SBF1: variants seen among roughly 807,000 people sequenced by gnomAD.
The protein encoded by SBF1 is SET binding factor 1, also known as myotubularin-related protein 5.
In SBF1, 65 loss-of-function variants were observed where a neutral mutation model predicts 215.8. That is an observed-to-expected ratio of 0.30 (90% CI 0.25 to 0.37). SBF1 has a LOEUF of 0.37. Ranked by LOEUF, SBF1 falls within the 10% of genes least tolerant of loss-of-function variation. The pLI, the probability that SBF1 is intolerant of heterozygous loss-of-function variation, is 1.00. For missense variants in SBF1, 2,634 were observed against 2,667.8 expected, an observed-to-expected ratio of 0.99 and a Z score of 0.28; for synonymous variants, 1,410 against 1,122.8, an observed-to-expected ratio of 1.26 and a Z score of -5.11.
Position 50,454,667 on chromosome 22 carries a change from G to A in SBF1, c.4888C>T (p.Pro1630Ser). The A allele has an allele frequency of 6.3e-7, 1 of 1,579,112 alleles. No individual in the cohort carries two copies. Among genetic ancestry groups the A allele is most frequent in the Non-Finnish European group, 8.6e-7 (1 of 1,163,222 alleles). ...FYTEETLAEG[P>S]PYDWELAQGP... The stretch of plus-strand genomic sequence containing the variant: ...TGGGCCAGTTCCCAGTCATAGGGAG[G>A]GCCCTCGGCCAGCGTCTCCTCAGTG... Residue 1630 changes from proline to serine, a missense_variant, in exon 36 of 41, where the codon CCT becomes TCT. Coordinates refer to ENST00000380817, the MANE Select transcript of SBF1 (RefSeq NM_002972.4).
At position 50,467,551 on chromosome 22, in the gene SBF1, TCGAGTCG is replaced by T; in HGVS notation, c.412_418del (p.Arg138ThrfsTer21). The T allele has an allele frequency of 6.2e-7, 1 of 1,614,112 alleles. No individual in the cohort carries two copies. Among genetic ancestry groups the T allele is most frequent in the Non-Finnish European group, 8.5e-7 (1 of 1,180,008 alleles). On this transcript the variant is annotated frameshift_variant, in exon 4 of 41. Transcript: ENST00000380817. LOFTEE classifies it high-confidence loss of function. ...CCTCACCCTGAACACCTCCGTGTGG[TCGAGTCG>T]CGACACCAGTACCAGCGTCTTCGGT... is the stretch of plus-strand genomic sequence containing the variant.
In SBF1 at chr22:50,455,259, G is replaced by A. The variant is rs900390283; in HGVS notation, c.4519C>T (p.Pro1507Ser). The A allele has an allele frequency of 1.9e-6, 3 of 1,613,166 alleles. No individual in the cohort carries two copies. The highest frequency in any genetic ancestry group is 1.7e-5 in the Admixed American group (1 of 59,974). Residue 1507 changes from proline (P) to serine (S), a missense_variant, in exon 33 of 41, where the codon CCC (proline) becomes TCC (serine). Transcript: ENST00000380817. ...TLAGQSSGFTPVFLQFLDCVH... is the reference protein window; with the variant it reads ...TLAGQSSGFTSVFLQFLDCVH... ...CAGTCCAGGAACTGCAGGAAGACGG[G>A]TGTGAAGCCGCTGCTCTGCCCGGCC...
At chr22:50,459,116 G>A (rs2067387446) in intron 28 of SBF1, 139 bp downstream of exon 28, 2 of 1,284,108 alleles carry the variant, frequency 1.6e-6, no homozygotes, top group Non-Finnish European at 1.1e-6. Flanking sequence ...GCACCCGGAG[G>A]GCATGCTCCT....
At chr22:50,452,621 G>T (rs572730201) in intron 36 of SBF1, among the ~76,000 whole-genome samples, 2 of 149,970 alleles carry the variant, frequency 1.3e-5, no homozygotes, top group African/African-American at 4.9e-5. Context: ...TACTTGGGAG[G>T]CTGAGACAGG....
At position 50,446,848 on chromosome 22, in the gene SBF1, T is replaced by C. The variant is rs767105633; in HGVS notation, c.*294A>G. 131 of 729,602 alleles carry C rather than the reference T, an allele frequency of 1.8e-4. 1 individual carries two copies. Among genetic ancestry groups the C allele is most frequent in the South Asian group, 1.4e-3 (100 of 72,372 alleles). The allele number at this position is 729,602 out of a possible 1,614,324, so 45.2% of individuals were successfully genotyped here. A position where few individuals can be genotyped will look rare whatever the true frequency, so the allele number is the denominator to read the frequency against. On this transcript the variant is annotated 3_prime_UTR_variant, in exon 41 of 41. Transcript: ENST00000380817. ...TTATATAGACTCTGGTTCTAGAAAC[T>C]CGCCTGCAGCCGCTGGCTGGACCAG...
intron 28 of SBF1, among the ~76,000 whole-genome samples, chr22:50,457,723 G>C (rs2067311442): frequency 2.0e-5 from 3 of 152,268 alleles, no homozygotes; most frequent in South Asian, 2.1e-4. Flanking sequence ...AAGGCACAGG[G>C]AGGACTGGCA....
rs961615162 is a variant in SBF1, at chr22:50,460,043, C to T, written c.3400G>A (p.Gly1134Ser). Residue 1134 changes from glycine to serine, a missense_variant, in exon 26 of 41, where the codon GGT becomes AGT. Transcript: ENST00000380817. ...RACCRDYQRL[G>S]LGTLSSSLSR... ...AGGCTGCTGCTCAGGGTGCCCAGACCGAGGCGCTGGTAGTCGCGACAGCAA... is the reference window on the plus strand; with the variant it reads ...AGGCTGCTGCTCAGGGTGCCCAGACTGAGGCGCTGGTAGTCGCGACAGCAA... 5 of 1,613,902 alleles carry T rather than the reference C, an allele frequency of 3.1e-6. No individual in the cohort carries two copies. The highest frequency in any genetic ancestry group is 1.7e-5 in the Admixed American group (1 of 60,010).
rs1026571113 is a variant in SBF1, at chr22:50,449,656, A to ACACACACACC, written c.5044-1007_5044-1006insGGTGTGTGTG. ...CACACACACACACACACACACACAC[A>ACACACACACC]CCCCAAAATGGGACAGAAAAACTGC... On this transcript the variant is annotated intron_variant, in intron 36 of 40. Transcript: ENST00000380817. Among the ~76,000 whole-genome samples, 14 of 148,452 alleles carry ACACACACACC rather than the reference A, an allele frequency of 9.4e-5. No individual in the cohort carries two copies. In the East Asian group the frequency reaches 2.0e-3, roughly 21 times the overall value.
rs1051900320 is a variant in SBF1, at chr22:50,446,007, T to C, written c.*1135A>G. The C allele has an allele frequency of 8.5e-5, 13 of 153,252 alleles. No individual in the cohort carries two copies. Among genetic ancestry groups the C allele is most frequent in the Admixed American group, 1.3e-4 (2 of 15,292 alleles). The allele number at this position is 153,252 out of a possible 1,614,324, so 9.5% of individuals were successfully genotyped here. A position where few individuals can be genotyped will look rare whatever the true frequency, so the allele number is the denominator to read the frequency against. ...CTGGCCAGGTCACCAGCTGCCACTC[T>C]CAGATGTTCTCTTGGCCTTTGCAGC... On this transcript the variant is annotated 3_prime_UTR_variant, in exon 41 of 41. Coordinates refer to ENST00000380817, the MANE Select transcript of SBF1 (RefSeq NM_002972.4).
chr22:50,465,893 C>G, intron 9 of SBF1, 53 bp from the exon 10 acceptor site: 1 of 1,609,510 alleles, frequency 6.2e-7, no homozygotes, highest in Non-Finnish European at 8.5e-7. Context: ...GCTCTAGGCT[C>G]CCCGTGCTGC....
At chr22:50,464,768 G>C in intron 13 of SBF1, 30 bp from the exon 14 acceptor site, 1 of 1,610,028 alleles carries the variant, frequency 6.2e-7, no homozygotes, top group South Asian at 1.1e-5. Context: ...GTGGGGCAGG[G>C]GCCCAGGGAT....
In SBF1 at chr22:50,448,226, C is replaced by T. The variant is rs1332870375; in HGVS notation, c.5363+7G>A. On this transcript the variant is annotated splice_region_variant and intron_variant, in intron 38 of 40. Transcript: ENST00000380817. The stretch of plus-strand genomic sequence containing the variant: ...TGTCCATGTGGCAGTGGGAGGTGCC[C>T]TCATACCTGTTCTCACTCTCTGCTG... 6 of 1,610,666 alleles carry T rather than the reference C, an allele frequency of 3.7e-6. No homozygotes were observed. The highest frequency in any genetic ancestry group is 5.1e-6 in the Non-Finnish European group (6 of 1,179,726).
intron 23 of SBF1, 36 bp downstream of exon 23, chr22:50,461,122 CG>C (rs1460227102): frequency 6.4e-7 from 1 of 1,561,818 alleles, no homozygotes; most frequent in Non-Finnish European, 8.7e-7. Flanking sequence ...AAGACCAGGG[CG>C]GGGGATGAGA....
Position 50,459,945 on chromosome 22 carries a change from C to A in SBF1, c.3491+7G>T. On this transcript the variant is annotated splice_region_variant and intron_variant, in intron 26 of 40. Coordinates refer to ENST00000380817, the MANE Select transcript of SBF1 (RefSeq NM_002972.4). ...CACCACCCGGGCCAGCCCTGGCCGGCCCTCACCTGCGGCAGATGGCATACA... is the reference window on the plus strand; with the variant it reads ...CACCACCCGGGCCAGCCCTGGCCGGACCTCACCTGCGGCAGATGGCATACA... The A allele has an allele frequency of 6.2e-7, 1 of 1,613,470 alleles. No homozygotes were observed. Among genetic ancestry groups the A allele is most frequent in the South Asian group, 1.1e-5 (1 of 91,076 alleles).
rs768974891 is a variant in SBF1 at position 50,467,333 on chromosome 22, C to G, written c.549+5G>C. The G allele has an allele frequency of 6.2e-7, 1 of 1,613,100 alleles. No individual in the cohort carries two copies. Among genetic ancestry groups the G allele is most frequent in the South Asian group, 1.1e-5 (1 of 91,038 alleles). On this transcript the variant is annotated splice_donor_5th_base_variant and intron_variant, in intron 5 of 40. Coordinates refer to ENST00000380817, the MANE Select transcript of SBF1 (RefSeq NM_002972.4). Reference sequence around the variant, plus strand: ...GTGCAGATACCAGCTGCCTCCAAAACTCACCTGCGAGCCCCCAGCCAGGGG... The same window carrying G: ...GTGCAGATACCAGCTGCCTCCAAAAGTCACCTGCGAGCCCCCAGCCAGGGG...
At chr22:50,455,457 AC>A (rs2067210767) in intron 32 of SBF1, 23 bp downstream of exon 32, 2 of 1,611,690 alleles carry the variant, frequency 1.2e-6, no homozygotes, top group African/African-American at 2.7e-5. Flanking sequence ...AGCCTGGCCC[AC>A]CCCAGCCCCA....
chr22:50,469,120 G>C (rs1169133189), intron 1 of SBF1, among the ~76,000 whole-genome samples: 1 of 152,180 alleles, frequency 6.6e-6, no homozygotes, highest in African/African-American at 2.4e-5. Context: ...TAGACGGGAA[G>C]GATGGAGACT....
rs753384436 is a variant in SBF1, at chr22:50,455,057, C to T, written c.4640G>A (p.Arg1547Gln). 16 of 1,614,142 alleles carry T rather than the reference C, an allele frequency of 9.9e-6. No individual in the cohort carries two copies. Among genetic ancestry groups the T allele is most frequent in the Middle Eastern group, 3.3e-4 (2 of 6,060 alleles). Reference protein sequence around the residue: ...LGYHHVSRRFRTFLLDSDYER... With the variant: ...LGYHHVSRRFQTFLLDSDYER... ...ATAGTCAGAGTCGAGCAGGAAGGTC[C>T]GGAAACGGCGGGACACATGGTGGTA... Residue 1547 changes from arginine to glutamine, a missense_variant, in exon 34 of 41, where the codon CGG (arginine) becomes CAG (glutamine). Arg to Gln is a conservative substitution (Grantham distance 43, BLOSUM62 1). Transcript: ENST00000380817.
chr22:50,472,345 T>C (rs1380675809), intron 1 of SBF1, among the ~76,000 whole-genome samples: 2 of 152,260 alleles, frequency 1.3e-5, no homozygotes, highest in Non-Finnish European at 2.9e-5. Context: ...CCAGACAGGA[T>C]GTCCAGATCC....
Sources: gnomAD v4.1 joint callset for allele counts (sites outside exome capture counted in the v4.1 genomes callset) on GRCh38, gnomAD v4.1.1 for gene constraint, MANE v1.5 for transcripts, NCBI Gene and HGNC (gene_info 2026-07-23, HGNC 2026-07-21) for gene names.